The following PALM2AKAP2 variants were observed in gnomAD, a reference collection of about 807,000 sequenced individuals.
PALM2AKAP2 encodes the protein PALM2-AKAP2 fusion protein.
A neutral mutation model predicts 71.5 loss-of-function variants in PALM2AKAP2; 37 were observed. The ratio of observed to expected loss-of-function variants is 0.52; its 90% confidence interval spans 0.40 to 0.68. The LOEUF is 0.68. PALM2AKAP2 is among the 30% of genes least tolerant of loss of function. The pLI, the probability that PALM2AKAP2 is intolerant of heterozygous loss-of-function variation, is 0.00. For missense variants in PALM2AKAP2, 1,224 were observed against 1,191.8 expected, an observed-to-expected ratio of 1.03 and a Z score of -0.40; for synonymous variants, 468 against 478.8, an observed-to-expected ratio of 0.98 and a Z score of 0.29.
At chr9:109,791,305 T>C (rs1336685231) in intron 1 of PALM2AKAP2, among the ~76,000 whole-genome samples, 2 of 152,182 alleles carry the variant, frequency 1.3e-5, no homozygotes, top group African/African-American at 4.8e-5. Context: ...TTGAAAGTAA[T>C]GTAAACTGCT....
intron 1 of PALM2AKAP2, among the ~76,000 whole-genome samples, chr9:110,115,065 TCTC>T (rs1382834193): frequency 6.6e-6 from 1 of 152,164 alleles, no homozygotes; most frequent in African/African-American, 2.4e-5. Flanking sequence ...ATGCTTTCCT[TCTC>T]CTGCAGAGGT....
chr9:110,082,339 G>A (rs1588096681), intron 1 of PALM2AKAP2, among the ~76,000 whole-genome samples: 1 of 152,146 alleles, frequency 6.6e-6, no homozygotes, highest in East Asian at 1.9e-4. Flanking sequence ...TTACAGGCTT[G>A]AGCCACTGCA....
chr9:109,772,647 A>G (rs1255084728), intron 1 of PALM2AKAP2, among the ~76,000 whole-genome samples: 1 of 152,250 alleles, frequency 6.6e-6, no homozygotes, highest in Non-Finnish European at 1.5e-5. Flanking sequence ...TGAAGGGGAA[A>G]TCACTGGAGT....
At chr9:110,129,328 A>G (rs1424630565) in intron 1 of PALM2AKAP2, among the ~76,000 whole-genome samples, 3 of 152,228 alleles carry the variant, frequency 2.0e-5, no homozygotes, top group Admixed American at 6.5e-5. Flanking sequence ...CAAAAAGCCA[A>G]GCTAACTCTG....
In PALM2AKAP2 at chr9:110,097,832, C is replaced by T. The variant is rs1273531353; in HGVS notation, c.157-38295C>T. Among the ~76,000 whole-genome samples the T allele has an allele frequency of 2.9e-5, 4 of 139,446 alleles. 1 individual carries two copies. Among genetic ancestry groups the T allele is most frequent in the African/African-American group, 1.2e-4 (4 of 32,468 alleles). 91.5% of individuals were successfully genotyped at this position (139,446 alleles called of 152,430 possible). A position where few individuals can be genotyped will look rare whatever the true frequency, so the allele number is the denominator to read the frequency against. On this transcript the variant is annotated intron_variant, in intron 1 of 3. Coordinates refer to ENST00000374525, the Ensembl canonical transcript of PALM2AKAP2. ...GGCTGCTGGGAGGTGGATGTTGTAG[C>T]GAGCTGAGATCATGCCACTGCACTC...
chr9:109,950,959 G>A (rs1831624899), intron 6 of PALM2AKAP2, among the ~76,000 whole-genome samples: 1 of 152,226 alleles, frequency 6.6e-6, no homozygotes, highest in Non-Finnish European at 1.5e-5. Flanking sequence ...GAGGCCACCA[G>A]GCAATGCCTG....
intron 1 of PALM2AKAP2, among the ~76,000 whole-genome samples, chr9:109,846,430 A>C (rs2769151): frequency 6.6e-6 from 1 of 151,932 alleles, no homozygotes; most frequent in Non-Finnish European, 1.5e-5. Context: ...GCCCATTGTG[A>C]CTCTTGCTTG....
intron 3 of PALM2AKAP2, among the ~76,000 whole-genome samples, chr9:110,162,710 T>C (rs993038310): frequency 6.6e-6 from 1 of 152,158 alleles, no homozygotes; most frequent in Non-Finnish European, 1.5e-5. Context: ...TCCAAAAGCC[T>C]CCTTGTTTAA....
intron 1 of PALM2AKAP2, among the ~76,000 whole-genome samples, chr9:109,803,928 G>A (rs902780534): frequency 6.6e-6 from 1 of 152,214 alleles, no homozygotes; most frequent in African/African-American, 2.4e-5. Flanking sequence ...CCATGGCTAT[G>A]TTCCAGGCCA....
chr9:109,800,471 C>T (rs1049534431), intron 1 of PALM2AKAP2, among the ~76,000 whole-genome samples: 3 of 152,186 alleles, frequency 2.0e-5, no homozygotes, highest in Admixed American at 6.5e-5. Flanking sequence ...ATCTGTCTGG[C>T]TCCAAACCCA....
chr9:109,938,352 G>A (rs1002109264), intron 6 of PALM2AKAP2, among the ~76,000 whole-genome samples: 3 of 152,084 alleles, frequency 2.0e-5, no homozygotes, highest in African/African-American at 7.2e-5. Flanking sequence ...CAAAGTGTTC[G>A]CCTTTGTTCT....
At chr9:110,142,069 T>C (rs999936328) in intron 2 of PALM2AKAP2, among the ~76,000 whole-genome samples, 48 of 114,908 alleles carry the variant, frequency 4.2e-4, no homozygotes, top group African/African-American at 1.7e-3. Flanking sequence ...CTTATTTTAC[T>C]TTTTTTTTTT....
At chr9:110,070,854 C>T (rs923165474) in intron 1 of PALM2AKAP2, among the ~76,000 whole-genome samples, 10 of 152,156 alleles carry the variant, frequency 6.6e-5, no homozygotes, top group South Asian at 4.2e-4. Flanking sequence ...AATACCCATC[C>T]GGCAAGTTTC....
chr9:109,962,782 A>G (rs1831877051), intron 6 of PALM2AKAP2, among the ~76,000 whole-genome samples: 1 of 152,058 alleles, frequency 6.6e-6, no homozygotes, highest in Admixed American at 6.6e-5. Flanking sequence ...AGTTGGGATT[A>G]CAGGTGCATG....
chr9:110,085,833 G>A (rs74760324), intron 1 of PALM2AKAP2, among the ~76,000 whole-genome samples: 1,809 of 152,240 alleles, frequency 0.012, 37 homozygotes, highest in African/African-American at 0.041. Flanking sequence ...CAGCCCATGC[G>A]AAGTGGCTCA....
intron 6 of PALM2AKAP2, among the ~76,000 whole-genome samples, chr9:109,933,535 C>G (rs573213930): frequency 6.6e-6 from 1 of 152,246 alleles, no homozygotes; most frequent in South Asian, 2.1e-4. Context: ...AGAATTTGAG[C>G]AGTGTGGGTA....
At chr9:110,127,598 C>A (rs1399138601) in intron 1 of PALM2AKAP2, 2 of 152,278 alleles carry the variant, frequency 1.3e-5, no homozygotes, top group Non-Finnish European at 2.9e-5. Context: ...CCAAGTCTAA[C>A]CCTCGCAGCA....
chr9:109,831,236 C>T (rs1350325040), intron 1 of PALM2AKAP2, among the ~76,000 whole-genome samples: 1 of 151,532 alleles, frequency 6.6e-6, no homozygotes, highest in Non-Finnish European at 1.5e-5. Context: ...GTCCCTTCTC[C>T]CTCCCACTTA....
At chr9:109,938,749 C>T (rs116976425) in intron 6 of PALM2AKAP2, among the ~76,000 whole-genome samples, 7 of 152,260 alleles carry the variant, frequency 4.6e-5, no homozygotes, top group Non-Finnish European at 4.4e-5. Context: ...GGGACCTTGG[C>T]CGGGTGCGGT....
Sources: allele counts gnomAD v4.1 joint callset (sites outside exome capture counted in the v4.1 genomes callset), GRCh38; gene constraint gnomAD v4.1.1; transcripts MANE v1.5; gene names NCBI Gene and HGNC (gene_info 2026-07-23, HGNC 2026-07-21).